Variants in CDKAL1 observed in about 807,000 individuals in gnomAD.
The protein encoded by CDKAL1 is threonylcarbamoyladenosine tRNA methylthiotransferase.
CDKAL1 carries 32 observed loss-of-function variants against 68.2 expected under a neutral mutation model. The observed-to-expected ratio is 0.47, with a 90% CI of 0.35 to 0.63. The LOEUF is 0.63. Ranked by LOEUF, CDKAL1 falls within the 30% of genes least tolerant of loss-of-function variation. CDKAL1 has a pLI of 0.00. For synonymous variants in CDKAL1, 234 were observed against 244.3 expected (o/e 0.96, Z 0.39); for missense variants, 606 against 696.7 (o/e 0.87, Z 1.47).
chr6:20,994,988 T>G (rs1428257327), intron 10 of CDKAL1, among the ~76,000 whole-genome samples: 2 of 152,208 alleles, frequency 1.3e-5, no homozygotes, highest in Non-Finnish European at 2.9e-5. Context: ...TCATAAATAC[T>G]TTGTTGTCAT....
rs1776499738 is a variant in CDKAL1 at position 21,153,256 on chromosome 6, T to G, written c.1300-44765T>G. Among the ~76,000 whole-genome samples the G allele has an allele frequency of 2.0e-5, 3 of 149,636 alleles. No individual in the cohort carries two copies. The South Asian group carries it at 6.3e-4, about 32-fold the overall frequency. ...ATTTCTTTTTTTTTTTTTTTTTTTT[T>G]TTAATCGTTAAGCGTTTAACCATGA... On this transcript the variant is annotated intron_variant, in intron 13 of 15. Transcript: ENST00000274695.
rs976988730 is a variant in CDKAL1, at chr6:21,163,614, T to A, written c.1300-34407T>A. 2.6e-5 allele frequency among the ~76,000 whole-genome samples: 4 copies of A among 152,282 alleles called. No individual in the cohort carries two copies. In the South Asian group the frequency reaches 6.2e-4, roughly 24 times the overall value. On this transcript the variant is annotated intron_variant, in intron 13 of 15. Coordinates refer to ENST00000274695, the MANE Select transcript of CDKAL1 (RefSeq NM_017774.3). ...GTCAGATGAAAATCAGAAAAAGGCATGTGGTGTTGAGTCATAATCTTAAAC... is the reference window on the plus strand; with the variant it reads ...GTCAGATGAAAATCAGAAAAAGGCAAGTGGTGTTGAGTCATAATCTTAAAC...
chr6:20,654,365 T>G (rs909152802), intron 5 of CDKAL1, among the ~76,000 whole-genome samples: 7 of 152,090 alleles, frequency 4.6e-5, no homozygotes, highest in Non-Finnish European at 8.8e-5. Context: ...ATCCTAATCC[T>G]TAGATATTAT....
chr6:20,931,807 G>A (rs142612706), intron 9 of CDKAL1, among the ~76,000 whole-genome samples: 64 of 152,236 alleles, frequency 4.2e-4, no homozygotes, highest in African/African-American at 1.5e-3. Flanking sequence ...TTACCCGAAA[G>A]AACCTGAAAA....
intron 8 of CDKAL1, among the ~76,000 whole-genome samples, chr6:20,842,256 T>G (rs1453590599): frequency 2.0e-5 from 3 of 152,180 alleles, no homozygotes; most frequent in Admixed American, 2.0e-4. Context: ...TGCATGGCTT[T>G]TTTCTGTGTA....
chr6:20,646,596 ATTAT>A (rs1252145519), intron 4 of CDKAL1, among the ~76,000 whole-genome samples: 2 of 152,214 alleles, frequency 1.3e-5, no homozygotes, highest in East Asian at 1.9e-4. Context: ...AATAATTTGC[ATTAT>A]TTATTCATTG....
intron 10 of CDKAL1, among the ~76,000 whole-genome samples, chr6:20,971,478 T>G (rs1455024824): frequency 6.6e-6 from 1 of 152,202 alleles, no homozygotes; most frequent in African/African-American, 2.4e-5. Flanking sequence ...ACTCTAGAAT[T>G]TGCAACAGAT....
chr6:21,156,233 C>A (rs1776632886), intron 13 of CDKAL1, among the ~76,000 whole-genome samples: 2 of 152,004 alleles, frequency 1.3e-5, no homozygotes, highest in South Asian at 4.2e-4. Flanking sequence ...CCAGCCTGGG[C>A]AACATGGTGA....
rs139519420 is a variant in CDKAL1 at position 21,177,383 on chromosome 6, T to C, written c.1300-20638T>C. Reference sequence around the variant, plus strand: ...CCTTACACATACACACTTAATTTTGTTAGAGAATGTATCTGTTATCAAATA... The same window carrying C: ...CCTTACACATACACACTTAATTTTGCTAGAGAATGTATCTGTTATCAAATA... On this transcript the variant is annotated intron_variant, in intron 13 of 15. Transcript: ENST00000274695. 2.9e-4 allele frequency among the ~76,000 whole-genome samples: 44 copies of C among 152,332 alleles called. No individual in the cohort carries two copies. In the East Asian group the frequency reaches 7.9e-3, roughly 27 times the overall value.
chr6:20,550,034 A>G (rs1161929122), intron 4 of CDKAL1, among the ~76,000 whole-genome samples: 2 of 151,202 alleles, frequency 1.3e-5, no homozygotes, highest in Non-Finnish European at 2.9e-5. Flanking sequence ...GCTGGAGTAC[A>G]GTGTTGTGAT....
At chr6:20,907,842 G>T (rs1235007405) in intron 9 of CDKAL1, among the ~76,000 whole-genome samples, 1 of 152,190 alleles carries the variant, frequency 6.6e-6, no homozygotes, top group African/African-American at 2.4e-5. Context: ...AGCTGCTTCT[G>T]TGGGTTTGCT....
At chr6:20,987,996 G>GCTTA (rs1161164227) in intron 10 of CDKAL1, among the ~76,000 whole-genome samples, 2 of 149,550 alleles carry the variant, frequency 1.3e-5, no homozygotes, top group Non-Finnish European at 3.0e-5. Context: ...AGTTGCCCAG[G>GCTTA]CTTAACTTGA....
intron 8 of CDKAL1, among the ~76,000 whole-genome samples, chr6:20,815,882 T>C (rs1777022097): frequency 6.6e-6 from 1 of 152,182 alleles, no homozygotes; most frequent in Admixed American, 6.5e-5. Context: ...CATAATAAAA[T>C]ATCACAACCT....
intron 15 of CDKAL1, among the ~76,000 whole-genome samples, chr6:21,215,494 C>G (rs1433384273): frequency 6.6e-6 from 1 of 152,182 alleles, no homozygotes; most frequent in Non-Finnish European, 1.5e-5. Flanking sequence ...ATCTGCGCAA[C>G]TTTCCTCCTC....
intron 15 of CDKAL1, 90 bp from the exon 16 acceptor site, chr6:21,230,758 C>T: frequency 1.9e-6 from 2 of 1,031,414 alleles, no homozygotes; most frequent in Non-Finnish European, 2.7e-6. Context: ...TAAAAGGCGG[C>T]ACCTTCTGGA....
At chr6:21,069,741 G>A (rs1326804065) in intron 12 of CDKAL1, among the ~76,000 whole-genome samples, 1 of 131,344 alleles carries the variant, frequency 7.6e-6, no homozygotes, top group Non-Finnish European at 1.6e-5. Flanking sequence ...ATATTTGACA[G>A]AATTGCCCAA....
At chr6:21,005,428 G>A (rs1767673354) in intron 11 of CDKAL1, among the ~76,000 whole-genome samples, 1 of 152,172 alleles carries the variant, frequency 6.6e-6, no homozygotes, top group South Asian at 2.1e-4. Flanking sequence ...TAGATATTTA[G>A]GAAATGAAAC....
chr6:20,750,614 A>G (rs1773873676), intron 6 of CDKAL1, among the ~76,000 whole-genome samples: 1 of 152,236 alleles, frequency 6.6e-6, no homozygotes, highest in African/African-American at 2.4e-5. Flanking sequence ...ACTAGGAATC[A>G]TTGGCAAAAA....
chr6:21,015,100 A>G lies in CDKAL1; in HGVS notation c.1055+14728A>G, dbSNP rs528516089. On this transcript the variant is annotated intron_variant, in intron 11 of 15. Transcript: ENST00000274695. ...CTATTAACAATCCCAGGTGTCTAGTACAGGTGTCCAGTACATTGGAGTTAG... is the reference window on the plus strand; with the variant it reads ...CTATTAACAATCCCAGGTGTCTAGTGCAGGTGTCCAGTACATTGGAGTTAG... Among the ~76,000 whole-genome samples, 4 of 152,318 alleles carry G rather than the reference A, an allele frequency of 2.6e-5. No individual in the cohort carries two copies. In the South Asian group the frequency reaches 8.3e-4, roughly 32 times the overall value.
Sources: allele counts gnomAD v4.1 joint callset (sites outside exome capture counted in the v4.1 genomes callset), GRCh38; gene constraint gnomAD v4.1.1; transcripts MANE v1.5; gene names NCBI Gene and HGNC (gene_info 2026-07-23, HGNC 2026-07-21).